CNTNAP5: variants seen among roughly 807,000 people sequenced by gnomAD.
CNTNAP5 encodes the protein contactin-associated protein-like 5.
A neutral mutation model predicts 150.2 loss-of-function variants in CNTNAP5; 72 were observed. The ratio of observed to expected loss-of-function variants is 0.48; its 90% CI spans 0.40 to 0.58. The LOEUF (loss-of-function observed/expected upper bound fraction) is 0.58, where lower values mean the gene tolerates loss of function less well. Among genes scored for constraint, CNTNAP5 ranks in the 20% least tolerant of loss-of-function variants. The pLI is 0.00. For synonymous variants in CNTNAP5, 672 were observed against 619.8 expected (o/e 1.08, Z -1.25); for missense variants, 1,636 against 1,626.2 (o/e 1.01, Z -0.10).
chr2:124,435,165 A>G (rs1692496816), intron 5 of CNTNAP5, among the ~76,000 whole-genome samples: 2 of 152,090 alleles, frequency 1.3e-5, no homozygotes, highest in African/African-American at 4.8e-5. Flanking sequence ...ATGTCTTTTT[A>G]AGGGAAACTC....
At chr2:124,824,273 A>G (rs1403548023) in intron 19 of CNTNAP5, among the ~76,000 whole-genome samples, 1 of 152,052 alleles carries the variant, frequency 6.6e-6, no homozygotes, top group Non-Finnish European at 1.5e-5. Flanking sequence ...CTGGGGAGTC[A>G]TCCTCCCTTT....
chr2:124,912,656 C>T (rs1436652951), intron 23 of CNTNAP5, among the ~76,000 whole-genome samples: 1 of 152,040 alleles, frequency 6.6e-6, no homozygotes, highest in East Asian at 1.9e-4. Flanking sequence ...GAATTTTGTG[C>T]CTATTTCTCT....
At chr2:124,339,953 A>G (rs1367891906) in intron 3 of CNTNAP5, among the ~76,000 whole-genome samples, 1 of 152,134 alleles carries the variant, frequency 6.6e-6, no homozygotes, top group African/African-American at 2.4e-5. Flanking sequence ...ATCTTAAAAA[A>G]AAAACTTAGA....
chr2:124,369,380 C>T (rs757203973), intron 3 of CNTNAP5, among the ~76,000 whole-genome samples: 57 of 151,450 alleles, frequency 3.8e-4, no homozygotes, highest in African/African-American at 1.2e-3. Flanking sequence ...TCGTGGTTCT[C>T]GATTCTGGCT....
intron 3 of CNTNAP5, 59 bp from the exon 4 acceptor site, chr2:124,417,384 T>A: frequency 6.4e-7 from 1 of 1,560,410 alleles, no homozygotes; most frequent in South Asian, 1.2e-5. Context: ...ACAAATATGG[T>A]TTTCCACTGA....
chr2:124,489,363 A>G (rs546331056), intron 7 of CNTNAP5, among the ~76,000 whole-genome samples: 2 of 152,308 alleles, frequency 1.3e-5, no homozygotes, highest in Admixed American at 1.3e-4. Flanking sequence ...CTGTCTTCAC[A>G]TAGTCTCCTC....
In CNTNAP5 at chr2:124,915,275, A is replaced by C. The variant is rs1240035606; in HGVS notation, c.*987A>C. The C allele has an allele frequency of 6.0e-6, 1 of 166,670 alleles. No homozygotes were observed. The highest frequency in any genetic ancestry group is 1.5e-5 in the Non-Finnish European group (1 of 68,008). 10.3% of individuals were successfully genotyped at this position (166,670 alleles called of 1,614,324 possible). Reference sequence around the variant, plus strand: ...GTTGCTGCAGCATAAAGAAATTGAAATAAAAGTTTAAAATAGTACCCGGTT... The same window carrying C: ...GTTGCTGCAGCATAAAGAAATTGAACTAAAAGTTTAAAATAGTACCCGGTT... On this transcript the variant is annotated 3_prime_UTR_variant, in exon 24 of 24. Transcript: ENST00000682447.
intron 10 of CNTNAP5, among the ~76,000 whole-genome samples, chr2:124,558,804 G>A (rs919413818): frequency 6.6e-6 from 1 of 152,094 alleles, no homozygotes; most frequent in Admixed American, 6.5e-5. Flanking sequence ...GGAAAGCTGT[G>A]GGGGTCCTTT....
chr2:124,832,281 C>T (rs1388152197), intron 19 of CNTNAP5, among the ~76,000 whole-genome samples: 1 of 152,090 alleles, frequency 6.6e-6, no homozygotes, highest in Non-Finnish European at 1.5e-5. Context: ...TTTAAACTTA[C>T]TAATTCATGA....
At chr2:124,487,779 C>T (rs1193157614) in intron 7 of CNTNAP5, among the ~76,000 whole-genome samples, 1 of 152,044 alleles carries the variant, frequency 6.6e-6, no homozygotes, top group African/African-American at 2.4e-5. Flanking sequence ...CTGGCAAAGA[C>T]CAAGAAAATC....
chr2:124,451,044 AAAAAAAAATAT>A (rs1215159048), intron 6 of CNTNAP5, among the ~76,000 whole-genome samples: 6 of 75,150 alleles, frequency 8.0e-5, no homozygotes, highest in South Asian at 9.6e-4. Flanking sequence ...AAAAAAAAAA[AAAAAAAAATAT>A]ATATATATAT....
intron 18 of CNTNAP5, among the ~76,000 whole-genome samples, chr2:124,790,802 T>C (rs1330141836): frequency 6.6e-6 from 1 of 152,156 alleles, no homozygotes; most frequent in African/African-American, 2.4e-5. Context: ...ATCACGGATA[T>C]ACACCTTGGA....
chr2:124,897,906 G>C (rs1678338249), intron 21 of CNTNAP5, among the ~76,000 whole-genome samples: 2 of 149,920 alleles, frequency 1.3e-5, no homozygotes, highest in Admixed American at 6.6e-5. Flanking sequence ...AGCATACTAA[G>C]ATAAACATAA....
At chr2:124,428,028 G>C (rs1692281416) in intron 4 of CNTNAP5, among the ~76,000 whole-genome samples, 1 of 152,114 alleles carries the variant, frequency 6.6e-6, no homozygotes, top group Admixed American at 6.5e-5. Flanking sequence ...TGGTCCACAG[G>C]GTATGGTTCC....
chr2:124,393,527 T>C (rs1691171221), intron 3 of CNTNAP5, among the ~76,000 whole-genome samples: 1 of 152,194 alleles, frequency 6.6e-6, no homozygotes, highest in Non-Finnish European at 1.5e-5. Context: ...TTATTATGTG[T>C]TAAAGATGCT....
chr2:124,878,599 T>C (rs1215542394), intron 21 of CNTNAP5, among the ~76,000 whole-genome samples: 1 of 152,112 alleles, frequency 6.6e-6, no homozygotes, highest in African/African-American at 2.4e-5. Flanking sequence ...GGGGAATGAA[T>C]GGATAAGGCA....
chr2:124,609,483 C>T (rs1677328036), intron 11 of CNTNAP5, among the ~76,000 whole-genome samples: 2 of 151,992 alleles, frequency 1.3e-5, no homozygotes, highest in Non-Finnish European at 2.9e-5. Flanking sequence ...CTCCCAGCTA[C>T]TCGGGAGACT....
At chr2:124,791,741 A>G (rs1312434466) in intron 18 of CNTNAP5, among the ~76,000 whole-genome samples, 1 of 135,222 alleles carries the variant, frequency 7.4e-6, no homozygotes, top group Non-Finnish European at 1.6e-5. Context: ...CATTCATACT[A>G]ATTTTCTTCT....
At chr2:124,896,740 T>C (rs1349595907) in intron 21 of CNTNAP5, among the ~76,000 whole-genome samples, 2 of 151,476 alleles carry the variant, frequency 1.3e-5, no homozygotes, top group Non-Finnish European at 2.9e-5. Context: ...GGTTTCACCG[T>C]GTTGGCCAGG....
Sources: allele counts gnomAD v4.1 joint callset (sites outside exome capture counted in the v4.1 genomes callset), GRCh38; gene constraint gnomAD v4.1.1; transcripts MANE v1.5; gene names NCBI Gene and HGNC (gene_info 2026-07-23, HGNC 2026-07-21).